WRAP53: variants seen among roughly 807,000 people sequenced by gnomAD.
WRAP53 encodes the protein telomerase Cajal body protein 1.
Under a neutral mutation model 56.6 loss-of-function variants are expected in WRAP53, and 28 were observed. That is an observed-to-expected ratio of 0.50 (90% confidence interval 0.37 to 0.68). The LOEUF (loss-of-function observed/expected upper bound fraction) is 0.68. Among genes scored for constraint, WRAP53 ranks in the 30% least tolerant of loss-of-function variants. WRAP53 has a pLI of 0.00. For missense variants in WRAP53, 671 were observed against 715.5 expected, an observed-to-expected ratio of 0.94 and a Z score of 0.71; for synonymous variants, 283 against 283.4, an observed-to-expected ratio of 1.00 and a Z score of 0.01.
Position 7,702,200 on chromosome 17 carries a change from T to G in WRAP53, c.956-144T>G. The stretch of plus-strand genomic sequence containing the variant: ...GGATAGATGTGGGGAGCATCAGAGG[T>G]CTTTGTCCTGCTTGTGACAGACAGC... On this transcript the variant is annotated intron_variant, in intron 7 of 10. Transcript: ENST00000396463. The surrounding 1 kb of genome is among the most constrained non-coding windows in gnomAD (Gnocchi z 5.0). 1.1e-6 allele frequency: 1 copy of G among 880,082 alleles called. No individual in the cohort carries two copies. Among genetic ancestry groups the G allele is most frequent in the South Asian group, 1.5e-5 (1 of 66,202 alleles). The allele number at this position is 880,082 out of a possible 1,614,324, so 54.5% of individuals were successfully genotyped here. A position where few individuals can be genotyped will look rare whatever the true frequency, so the allele number is the denominator to read the frequency against.
chr17:7,699,169 C>T (rs901735860), intron 4 of WRAP53, among the ~76,000 whole-genome samples: 2 of 151,218 alleles, frequency 1.3e-5, no homozygotes, highest in Non-Finnish European at 2.9e-5. Context: ...CCTGTAATCC[C>T]AGCACTTTGG....
At chr17:7,694,430 A>G (rs992803017) in intron 4 of WRAP53, among the ~76,000 whole-genome samples, 3 of 151,760 alleles carry the variant, frequency 2.0e-5, no homozygotes, top group Admixed American at 6.6e-5. Context: ...TTTAGTAGAG[A>G]TGGGGTTTCG....
Position 7,689,211 on chromosome 17 carries a change from A to C in WRAP53, c.432-13A>C, listed in dbSNP as rs774574319. Reference sequence around the variant, plus strand: ...TGGCGACCCAGGTTTATTGTCCCCCATCTTCCTTTCAGCGCTTGGAACTAC... The same window carrying C: ...TGGCGACCCAGGTTTATTGTCCCCCCTCTTCCTTTCAGCGCTTGGAACTAC... On this transcript the variant is annotated splice_polypyrimidine_tract_variant and intron_variant, in intron 2 of 10. Coordinates refer to ENST00000396463, the MANE Select transcript of WRAP53 (RefSeq NM_001143992.2). 6.2e-6 allele frequency: 10 copies of C among 1,613,112 alleles called. No individual in the cohort carries two copies. In the South Asian group the frequency reaches 1.1e-4, roughly 18 times the overall value.
chr17:7,687,584 A>G (rs1169965075), upstream of WRAP53: 1 of 398,742 alleles, frequency 2.5e-6, no homozygotes, highest in Non-Finnish European at 4.4e-6. Flanking sequence ...AAAGCTGGAC[A>G]GTCGCCATGA....
intron 3 of WRAP53, 63 bp from the exon 4 acceptor site, chr17:7,689,527 G>C: frequency 6.6e-7 from 1 of 1,523,794 alleles, no homozygotes; most frequent in Non-Finnish European, 9.1e-7. Context: ...GGCAGGCTCA[G>C]CCCTAGCCCT....
chr17:7,702,617 G>T lies in WRAP53; in HGVS notation c.1164+65G>T, dbSNP rs768426584. ...CGGGGCAGGAGCAGGGATGTAGTCT[G>T]CAGTGTAGGGGAATGGGTGGGGATG... On this transcript the variant is annotated intron_variant, in intron 8 of 10. Transcript: ENST00000396463. This position sits in a 1 kb window ranked among gnomAD's most constrained non-coding sequence, Gnocchi z 5.0. The T allele has an allele frequency of 6.3e-7, 1 of 1,595,716 alleles. No homozygotes were observed. The highest frequency in any genetic ancestry group is 8.5e-7 in the Non-Finnish European group (1 of 1,175,412).
Position 7,701,173 on chromosome 17 carries a change from C to T in WRAP53, c.732-286C>T, listed in dbSNP as rs544906585. On this transcript the variant is annotated intron_variant, in intron 5 of 10. Transcript: ENST00000396463. This position sits in a 1 kb window ranked among gnomAD's most constrained non-coding sequence, Gnocchi z 4.2. ...TTTTCATAGAGATGGGGTTTCACCACGTTGGCCAGGCTGGTCTCGAACTGA... is the reference window on the plus strand; with the variant it reads ...TTTTCATAGAGATGGGGTTTCACCATGTTGGCCAGGCTGGTCTCGAACTGA... Among the ~76,000 whole-genome samples, 4 of 152,220 alleles carry T rather than the reference C, an allele frequency of 2.6e-5. No individual in the cohort carries two copies. The highest frequency in any genetic ancestry group is 4.2e-4 in the South Asian group (2 of 4,816).
intron 2 of WRAP53, 52 bp from the exon 3 acceptor site, chr17:7,689,172 C>T (rs1338468667): frequency 1.2e-6 from 2 of 1,613,578 alleles, no homozygotes; most frequent in African/African-American, 2.7e-5. Flanking sequence ...CTCCAGGCCT[C>T]TGCCCCCTTT....
intron 4 of WRAP53, among the ~76,000 whole-genome samples, chr17:7,693,935 G>C (rs573818706): frequency 6.6e-6 from 1 of 152,096 alleles, no homozygotes; most frequent in East Asian, 1.9e-4. Context: ...AGTGGGTAAG[G>C]AACTGGACTG....
rs1375824429 is a variant in WRAP53 at position 7,689,681 on chromosome 17, C to G, written c.622C>G (p.Gln208Glu). 2.5e-6 allele frequency: 4 copies of G among 1,613,850 alleles called. No individual in the cohort carries two copies. Among genetic ancestry groups the G allele is most frequent in the Non-Finnish European group, 3.4e-6 (4 of 1,179,850 alleles). Reference protein sequence around the residue: ...LPPELYHEGEQVEYAEMVPVL... With the variant: ...LPPELYHEGEEVEYAEMVPVL... ...CCCAGAGCTGTACCATGAGGGGGAG[C>G]AGGTGGAATATGCAGAAATGGTAAG... The change falls in exon 4 of 11, where the codon CAG (glutamine) becomes GAG (glutamate). Residue 208 changes from glutamine to glutamate, a missense_variant. Transcript: ENST00000396463.
rs368989809 is a variant in WRAP53, at chr17:7,700,728, C to T, written c.643-13C>T. ...CCTCCGAGTGACTCAGCCATTCCCC[C>T]GTCTCTGTATAGGTCCCTGTCCTTC... On this transcript the variant is annotated splice_polypyrimidine_tract_variant and intron_variant, in intron 4 of 10. Transcript: ENST00000396463. The T allele has an allele frequency of 2.7e-5, 44 of 1,603,418 alleles. No individual in the cohort carries two copies. The highest frequency in any genetic ancestry group is 8.0e-5 in the African/African-American group (6 of 74,648).
At position 7,689,670 on chromosome 17, in the gene WRAP53, A is replaced by T. The variant is rs2074082963; in HGVS notation, c.611A>T (p.His204Leu). The part of the protein sequence containing the change: ...RIYNLPPELY[H>L]EGEQVEYAEM... ...TATAACCTGCCCCCAGAGCTGTACC[A>T]TGAGGGGGAGCAGGTGGAATATGCA... Residue 204 changes from histidine (H) to leucine (L), a missense_variant, in exon 4 of 11, where the codon CAT (histidine) becomes CTT (leucine). His to Leu is a moderately conservative substitution (Grantham distance 99). Coordinates refer to ENST00000396463, the MANE Select transcript of WRAP53 (RefSeq NM_001143992.2). 2 of 1,614,034 alleles carry T rather than the reference A, an allele frequency of 1.2e-6. No homozygotes were observed. Among genetic ancestry groups the T allele is most frequent in the Non-Finnish European group, 1.7e-6 (2 of 1,179,996 alleles).
chr17:7,691,221 C>A lies in WRAP53; in HGVS notation c.642+1520C>A, dbSNP rs553050748. ...GAGACTCCATCCCAAAACAAACAAA[C>A]AAACAAACAAACAAACAAACAAACA... is the stretch of plus-strand genomic sequence containing the variant. On this transcript the variant is annotated intron_variant, in intron 4 of 10. Transcript: ENST00000396463. Among the ~76,000 whole-genome samples the A allele has an allele frequency of 6.8e-4, 77 of 113,600 alleles. 2 individuals carry two copies. In the South Asian group the frequency reaches 0.017, roughly 25 times the overall value. The allele number at this position is 113,600 out of a possible 152,430, so 74.5% of individuals were successfully genotyped here.
At chr17:7,693,039 C>A (rs2074134928) in intron 4 of WRAP53, among the ~76,000 whole-genome samples, 1 of 151,718 alleles carries the variant, frequency 6.6e-6, no homozygotes, top group Admixed American at 6.6e-5. Flanking sequence ...CCGCGCCCAG[C>A]CCCTCTTGGG....
intron 4 of WRAP53, among the ~76,000 whole-genome samples, chr17:7,698,513 C>G (rs1045584644): frequency 5.3e-5 from 8 of 152,064 alleles, no homozygotes; most frequent in African/African-American, 1.7e-4. Flanking sequence ...GGCTGGATTG[C>G]TTGAGGCCAG....
In WRAP53 at chr17:7,702,946, C is replaced by T. The variant is rs368420342; in HGVS notation, c.1269-47C>T. Reference sequence around the variant, plus strand: ...AGTCCCTGGGTGTGAGGGGTTCCTGCCCCAGGGGTGAGGCCTCTGCCAGCA... The same window carrying T: ...AGTCCCTGGGTGTGAGGGGTTCCTGTCCCAGGGGTGAGGCCTCTGCCAGCA... On this transcript the variant is annotated intron_variant, in intron 9 of 10. Transcript: ENST00000396463. The surrounding 1 kb of genome is among the most constrained non-coding windows in gnomAD (Gnocchi z 5.0). 1.9e-6 allele frequency: 3 copies of T among 1,612,770 alleles called. No homozygotes were observed. The African/African-American group carries it at 4.0e-5, about 22-fold the overall frequency.
chr17:7,698,347 A>G (rs924287723), intron 4 of WRAP53, among the ~76,000 whole-genome samples: 2 of 152,210 alleles, frequency 1.3e-5, no homozygotes, highest in African/African-American at 4.8e-5. Flanking sequence ...AGAGTACTAT[A>G]CACCAGTGAA....
chr17:7,697,320 C>CA (rs71159522), intron 4 of WRAP53, among the ~76,000 whole-genome samples: 22,485 of 94,742 alleles, frequency 0.24, 2,220 homozygotes, highest in East Asian at 0.38. Context: ...ACTCTGCCTC[C>CA]AAAAAAAAAA....
Position 7,702,183 on chromosome 17 carries a change from G to A in WRAP53, c.956-161G>A. ...ATTTAGGTCCTTTGGGAGGATAGAT[G>A]TGGGGAGCATCAGAGGTCTTTGTCC... On this transcript the variant is annotated intron_variant, in intron 7 of 10. Coordinates refer to ENST00000396463, the MANE Select transcript of WRAP53 (RefSeq NM_001143992.2). This position sits in a 1 kb window ranked among gnomAD's most constrained non-coding sequence, Gnocchi z 5.0. 1 of 780,236 alleles carries A rather than the reference G, an allele frequency of 1.3e-6. No homozygotes were observed. The highest frequency in any genetic ancestry group is 1.6e-5 in the South Asian group (1 of 62,040). 48.3% of individuals were successfully genotyped at this position (780,236 alleles called of 1,614,324 possible).
Sources: allele counts gnomAD v4.1 joint callset (sites outside exome capture counted in the v4.1 genomes callset), GRCh38; gene constraint gnomAD v4.1.1; non-coding constraint Gnocchi (gnomAD v3.1); transcripts MANE v1.5; gene names NCBI Gene and HGNC (gene_info 2026-07-23, HGNC 2026-07-21).